LARGE1: variants seen among roughly 807,000 people sequenced by gnomAD.
LARGE1 encodes LARGE xylosyl- and glucuronyltransferase 1, also known as xylosyl- and glucuronyltransferase LARGE1.
A neutral mutation model predicts 87.6 loss-of-function variants in LARGE1; 43 were observed. That is an observed-to-expected ratio of 0.49 (90% CI 0.38 to 0.63). LARGE1 has a LOEUF of 0.63. Among genes scored for constraint, LARGE1 ranks in the 30% least tolerant of loss-of-function variants. The pLI is 0.00. For synonymous variants in LARGE1, 434 were observed against 394.6 expected, an observed-to-expected ratio of 1.10 and a Z score of -1.18; for missense variants, 802 against 1,000.2, an observed-to-expected ratio of 0.80 and a Z score of 2.67.
At chr22:33,679,757 G>C (rs1305204739) in intron 2 of LARGE1, among the ~76,000 whole-genome samples, 3 of 152,138 alleles carry the variant, frequency 2.0e-5, no homozygotes, top group African/African-American at 7.2e-5. Context: ...CAGGAGAATT[G>C]CTTGAACCCG....
chr22:33,868,521 T>C (rs1395838666), intron 1 of LARGE1, among the ~76,000 whole-genome samples: 1 of 151,954 alleles, frequency 6.6e-6, no homozygotes, highest in African/African-American at 2.4e-5. Context: ...ACCATTACTG[T>C]CCCTCACTTC....
At chr22:33,771,397 A>G (rs545504882) in intron 1 of LARGE1, among the ~76,000 whole-genome samples, 84 of 152,218 alleles carry the variant, frequency 5.5e-4, no homozygotes, top group African/African-American at 2.0e-3. Context: ...AGGCTGGCAG[A>G]TATGTTTCAG....
At chr22:33,159,892 T>C (rs1921967850), downstream of LARGE1, among the ~76,000 whole-genome samples, 1 of 151,216 alleles carries the variant, frequency 6.6e-6, no homozygotes. Context: ...TGGCAATCAA[T>C]TTTAAATTTT....
intron 11 of LARGE1, among the ~76,000 whole-genome samples, chr22:33,245,301 G>A (rs889677515): frequency 3.9e-5 from 6 of 152,282 alleles, no homozygotes; most frequent in Non-Finnish European, 5.9e-5. Flanking sequence ...TGACTCTCTC[G>A]TGGAGCTTTC....
At chr22:33,882,065 C>G (rs1303521117) in intron 1 of LARGE1, among the ~76,000 whole-genome samples, 2 of 136,160 alleles carry the variant, frequency 1.5e-5, no homozygotes, top group African/African-American at 5.8e-5. Flanking sequence ...TTTTTTGAGA[C>G]GGAGTCTCGC....
chr22:33,150,507 T>G, the LARGE1 span, among the ~76,000 whole-genome samples: 107 of 152,310 alleles, frequency 7.0e-4, 1 homozygote, highest in Middle Eastern at 0.01. Flanking sequence ...TCCATACATT[T>G]AATCCCTTCT....
At chr22:33,104,850 G>T in the LARGE1 span, among the ~76,000 whole-genome samples, 1 of 152,022 alleles carries the variant, frequency 6.6e-6, no homozygotes. Context: ...CGTTTTCATG[G>T]CTCATAAATA....
chr22:33,785,052 CAT>C (rs1313109723), intron 1 of LARGE1, among the ~76,000 whole-genome samples: 1 of 145,656 alleles, frequency 6.9e-6, no homozygotes, highest in African/African-American at 2.5e-5. Context: ...TGTATACATA[CAT>C]GTGTATATAG....
intron 2 of LARGE1, among the ~76,000 whole-genome samples, chr22:33,690,062 C>A (rs60722903): frequency 0.056 from 8,501 of 152,270 alleles, 762 homozygotes; most frequent in African/African-American, 0.2. Flanking sequence ...TCCTCTCATG[C>A]TGGCTGCTTC....
intron 4 of LARGE1, among the ~76,000 whole-genome samples, chr22:33,620,236 C>A (rs2079705384): frequency 6.6e-6 from 1 of 152,216 alleles, no homozygotes; most frequent in African/African-American, 2.4e-5. Flanking sequence ...CTTCATCCTG[C>A]CAACAAGGCT....
intron 3 of LARGE1, among the ~76,000 whole-genome samples, chr22:33,627,482 C>A (rs571590342): frequency 6.6e-6 from 1 of 152,334 alleles, no homozygotes; most frequent in South Asian, 2.1e-4. Context: ...TTCAATACTT[C>A]CATTAAAGGA....
chr22:33,309,017 A>C (rs147110069), intron 11 of LARGE1, among the ~76,000 whole-genome samples: 1 of 152,130 alleles, frequency 6.6e-6, no homozygotes, highest in African/African-American at 2.4e-5. Context: ...GTTATTTCCA[A>C]TGCATCTGGT....
chr22:33,404,070 CAAGT>C (rs1431317116), intron 7 of LARGE1, among the ~76,000 whole-genome samples: 1 of 152,092 alleles, frequency 6.6e-6, no homozygotes, highest in East Asian at 1.9e-4. Flanking sequence ...GAGGGATAAA[CAAGT>C]AAGTAGGTTA....
Position 33,409,175 on chromosome 22 carries a change from G to A in LARGE1, c.892+22986C>T, listed in dbSNP as rs145819937. On this transcript the variant is annotated intron_variant, in intron 7 of 14. Transcript: ENST00000397394. ...CTGATTCAAATACATCTGATCTGCT[G>A]TGGTGAAATGTCAAATATGCAATAA... 2.5e-3 allele frequency among the ~76,000 whole-genome samples: 385 copies of A among 152,284 alleles called. 1 individual carries two copies. Among genetic ancestry groups the A allele is most frequent in the African/African-American group, 8.2e-3 (339 of 41,554 alleles).
chr22:33,314,371 A>T (rs1273854207), intron 11 of LARGE1, among the ~76,000 whole-genome samples: 1 of 152,164 alleles, frequency 6.6e-6, no homozygotes, highest in Non-Finnish European at 1.5e-5. Context: ...TCACAGAGCA[A>T]GGAATCCACT....
the LARGE1 span, among the ~76,000 whole-genome samples, chr22:33,123,866 C>T: frequency 2.0e-4 from 30 of 152,268 alleles, no homozygotes; most frequent in East Asian, 2.5e-3. Context: ...CCTAGGTGAC[C>T]CCCAGCTTGG....
intron 6 of LARGE1, among the ~76,000 whole-genome samples, chr22:33,480,825 T>C (rs1446249273): frequency 1.3e-5 from 2 of 152,176 alleles, no homozygotes; most frequent in Admixed American, 1.3e-4. Flanking sequence ...AACGGTAGAA[T>C]TACTATATAA....
At chr22:33,805,069 G>A (rs2086267828) in intron 1 of LARGE1, among the ~76,000 whole-genome samples, 1 of 152,160 alleles carries the variant, frequency 6.6e-6, no homozygotes, top group Non-Finnish European at 1.5e-5. Context: ...AGAATATATG[G>A]ACAGCTCCCG....
intron 1 of LARGE1, among the ~76,000 whole-genome samples, chr22:33,869,791 G>A (rs916265815): frequency 6.6e-6 from 1 of 152,136 alleles, no homozygotes; most frequent in Non-Finnish European, 1.5e-5. Context: ...GCCACATCAC[G>A]GTGAAAAGAT....
Sources: allele counts gnomAD v4.1 joint callset (sites outside exome capture counted in the v4.1 genomes callset), GRCh38; gene constraint gnomAD v4.1.1; transcripts MANE v1.5; gene names NCBI Gene and HGNC (gene_info 2026-07-23, HGNC 2026-07-21).